PHLDB2: variants seen among roughly 807,000 people sequenced by gnomAD.
PHLDB2 encodes the protein pleckstrin homology like domain family B member 2, also known as pleckstrin homology-like domain family B member 2.
A neutral mutation model predicts 123.6 loss-of-function variants in PHLDB2; 71 were observed. The ratio of observed to expected loss-of-function variants is 0.57; its 90% CI spans 0.47 to 0.70. The LOEUF is 0.70. PHLDB2 is among the 30% of genes least tolerant of loss of function. PHLDB2 has a pLI of 0.00. For missense variants in PHLDB2, 1,446 were observed against 1,519.5 expected, an observed-to-expected ratio of 0.95 and a Z score of 0.80; for synonymous variants, 547 against 541.6, an observed-to-expected ratio of 1.01 and a Z score of -0.14.
chr3:111,749,971 TATC>T (rs10576074), intron 1 of PHLDB2, among the ~76,000 whole-genome samples: 3,213 of 152,290 alleles, frequency 0.021, 45 homozygotes, highest in Non-Finnish European at 0.033. Flanking sequence ...TGCAGAGAAA[TATC>T]ATTAATCTGT....
chr3:111,844,419 G>T (rs1399393181), intron 1 of PHLDB2, among the ~76,000 whole-genome samples: 1 of 152,090 alleles, frequency 6.6e-6, no homozygotes, highest in African/African-American at 2.4e-5. Flanking sequence ...CGTAGATAAT[G>T]GCACCATCAT....
intron 1 of PHLDB2, among the ~76,000 whole-genome samples, chr3:111,794,610 C>A (rs1316813888): frequency 6.6e-6 from 1 of 152,144 alleles, no homozygotes; most frequent in East Asian, 1.9e-4. Flanking sequence ...ACTAGATCTG[C>A]CCTCAAGAAA....
intron 1 of PHLDB2, among the ~76,000 whole-genome samples, chr3:111,864,646 A>G (rs1333783887): frequency 6.6e-6 from 1 of 152,248 alleles, no homozygotes; most frequent in Non-Finnish European, 1.5e-5. Context: ...TAGAGGTTGT[A>G]GGTAATTGCT....
intron 12 of PHLDB2, among the ~76,000 whole-genome samples, chr3:111,961,261 G>A (rs2071395955): frequency 6.6e-6 from 1 of 152,206 alleles, no homozygotes; most frequent in African/African-American, 2.4e-5. Context: ...AACCCAGGAG[G>A]TGGAGGTTGC....
rs760451082 is a variant in PHLDB2, at chr3:111,831,609, A to G, written c.-48-14212A>G. On this transcript the variant is annotated intron_variant, in intron 1 of 17. Transcript: ENST00000393923. ...CTTACCCTATATTTAATATGTCTCA[A>G]TACATAGTATTGTTCAAGACCAAGT... is the stretch of plus-strand genomic sequence containing the variant. 2.6e-5 allele frequency among the ~76,000 whole-genome samples: 4 copies of G among 152,300 alleles called. No individual in the cohort carries two copies. In the South Asian group the frequency reaches 6.2e-4, roughly 24 times the overall value.
intron 2 of PHLDB2, among the ~76,000 whole-genome samples, chr3:111,898,861 TATCAC>T (rs2067030768): frequency 6.6e-6 from 1 of 152,232 alleles, no homozygotes; most frequent in Non-Finnish European, 1.5e-5. Context: ...TTGCTGTTTC[TATCAC>T]ATCTGCAGTT....
intron 1 of PHLDB2, among the ~76,000 whole-genome samples, chr3:111,761,107 C>T (rs978671300): frequency 3.3e-5 from 5 of 151,058 alleles, no homozygotes; most frequent in African/African-American, 9.8e-5. Context: ...ATCACCTGAA[C>T]CCCGGAGGTG....
At chr3:111,862,549 G>T (rs903127610) in intron 1 of PHLDB2, among the ~76,000 whole-genome samples, 2 of 152,042 alleles carry the variant, frequency 1.3e-5, no homozygotes, top group African/African-American at 4.8e-5. Context: ...TGCCATGCAC[G>T]GGACACAAAA....
chr3:111,740,151 C>T (rs2059578825), intron 1 of PHLDB2, among the ~76,000 whole-genome samples: 1 of 152,152 alleles, frequency 6.6e-6, no homozygotes, highest in African/African-American at 2.4e-5. Flanking sequence ...GTGATATCAT[C>T]ATGGCTCACA....
intron 1 of PHLDB2, among the ~76,000 whole-genome samples, chr3:111,810,972 G>T (rs931789888): frequency 1.2e-4 from 18 of 152,168 alleles, no homozygotes; most frequent in African/African-American, 4.3e-4. Context: ...AGATTTCAAA[G>T]AGCTGTCATC....
chr3:111,894,755 G>A (rs1047870257), intron 2 of PHLDB2, among the ~76,000 whole-genome samples: 2 of 151,516 alleles, frequency 1.3e-5, no homozygotes, highest in Admixed American at 1.3e-4. Flanking sequence ...TTTTTGATAG[G>A]GTTGTTTTTT....
chr3:111,753,593 G>T (rs1267657096), intron 1 of PHLDB2, among the ~76,000 whole-genome samples: 4 of 152,162 alleles, frequency 2.6e-5, no homozygotes, highest in African/African-American at 9.7e-5. Context: ...CTCCCATTTT[G>T]TAGGTTGCCT....
chr3:111,895,621 G>A (rs999233850), intron 2 of PHLDB2, among the ~76,000 whole-genome samples: 2 of 152,228 alleles, frequency 1.3e-5, no homozygotes, highest in African/African-American at 4.8e-5. Context: ...GCCAAGGCAG[G>A]TAGATCACCT....
At chr3:111,929,325 G>A (rs2068982095) in intron 5 of PHLDB2, among the ~76,000 whole-genome samples, 1 of 152,008 alleles carries the variant, frequency 6.6e-6, no homozygotes, top group Non-Finnish European at 1.5e-5. Context: ...TTTTTAAAAA[G>A]TTATATTCTC....
At chr3:111,761,693 A>AT (rs1380088130) in intron 1 of PHLDB2, among the ~76,000 whole-genome samples, 3 of 152,138 alleles carry the variant, frequency 2.0e-5, no homozygotes, top group African/African-American at 7.2e-5. Flanking sequence ...AGAATTTCTG[A>AT]TTCAGTACAT....
Position 111,954,047 on chromosome 3 carries a change from C to A in PHLDB2, c.2872+18C>A, listed in dbSNP as rs754686228. 1.2e-5 allele frequency: 20 copies of A among 1,600,534 alleles called. No individual in the cohort carries two copies. Among genetic ancestry groups the A allele is most frequent in the Non-Finnish European group, 1.5e-5 (18 of 1,168,828 alleles). On this transcript the variant is annotated intron_variant, in intron 12 of 17. Coordinates refer to ENST00000431670, the MANE Select transcript of PHLDB2 (RefSeq NM_001134438.2). The stretch of plus-strand genomic sequence containing the variant: ...GCTCAGAGGTACGTACCTTTTAAAT[C>A]AAGTGTCATGGCCTTTTGTTAAGCA...
Position 111,802,329 on chromosome 3 carries a change from G to A in PHLDB2, c.-48-43492G>A, listed in dbSNP as rs1191964781. On this transcript the variant is annotated intron_variant, in intron 1 of 17. Transcript: ENST00000393923. ...TCTGGCCTACAGAGTGAAGAATAAAGGGGAGACAGAGCAAGGGGAGAGCAC... is the reference window on the plus strand; with the variant it reads ...TCTGGCCTACAGAGTGAAGAATAAAAGGGAGACAGAGCAAGGGGAGAGCAC... 2.0e-5 allele frequency among the ~76,000 whole-genome samples: 3 copies of A among 152,186 alleles called. 1 individual carries two copies. The highest frequency in any genetic ancestry group is 2.0e-4 in the Admixed American group (3 of 15,282).
intron 6 of PHLDB2, among the ~76,000 whole-genome samples, chr3:111,939,014 G>C (rs1019643854): frequency 2.0e-5 from 3 of 151,920 alleles, no homozygotes; most frequent in Non-Finnish European, 2.9e-5. Context: ...CACCATGTTG[G>C]CCAGGCTGGT....
chr3:111,828,637 C>T (rs1360400459), intron 1 of PHLDB2, among the ~76,000 whole-genome samples: 1 of 151,918 alleles, frequency 6.6e-6, no homozygotes, highest in African/African-American at 2.4e-5. Context: ...AAAAATTAGC[C>T]GGGTGTGGTG....
Sources: gnomAD v4.1 joint callset for allele counts (sites outside exome capture counted in the v4.1 genomes callset) on GRCh38, gnomAD v4.1.1 for gene constraint, MANE v1.5 for transcripts, NCBI Gene and HGNC (gene_info 2026-07-23, HGNC 2026-07-21) for gene names.